AGTRAP: variants seen among roughly 807,000 people sequenced by gnomAD.
AGTRAP encodes the protein angiotensin II receptor associated protein, also known as type-1 angiotensin II receptor-associated protein.
In AGTRAP, 7 loss-of-function variants were observed where a neutral mutation model predicts 15.2. The observed-to-expected ratio is 0.46, with a 90% CI of 0.26 to 0.87. AGTRAP has a LOEUF of 0.87. Among genes scored for constraint, AGTRAP ranks in the 40% least tolerant of loss-of-function variants. The pLI is 0.15. For synonymous variants in AGTRAP, 74 were observed against 89.6 expected, an observed-to-expected ratio of 0.83 and a Z score of 0.98; for missense variants, 187 against 213.4, an observed-to-expected ratio of 0.88 and a Z score of 0.77.
At position 11,750,308 on chromosome 1, in the gene AGTRAP, A is replaced by C; in HGVS notation, c.*116A>C. The C allele has an allele frequency of 1.0e-6, 1 of 954,476 alleles. No individual in the cohort carries two copies. The highest frequency in any genetic ancestry group is 1.6e-6 in the Non-Finnish European group (1 of 616,472). The allele number at this position is 954,476 out of a possible 1,614,324, so 59.1% of individuals were successfully genotyped here. A position where few individuals can be genotyped will look rare whatever the true frequency, so the allele number is the denominator to read the frequency against. On this transcript the variant is annotated 3_prime_UTR_variant, in exon 5 of 5. Coordinates refer to ENST00000314340, the MANE Select transcript of AGTRAP (RefSeq NM_020350.5). Reference sequence around the variant, plus strand: ...CTAAGATGGAATGTGTCCCCAGCTCAGGGATTGCCTGAACCAAGAGGCCAG... The same window carrying C: ...CTAAGATGGAATGTGTCCCCAGCTCCGGGATTGCCTGAACCAAGAGGCCAG...
At position 11,750,186 on chromosome 1, in the gene AGTRAP, G is replaced by C; in HGVS notation, c.474G>C (p.Gly158=). The change falls in exon 5 of 5, where the codon GGG becomes GGC. Residue 158 remains glycine, a synonymous_variant. Coordinates refer to ENST00000314340, the MANE Select transcript of AGTRAP (RefSeq NM_020350.5). ...AGGGCAGGAGTCAAGATGCCCGAGG[G>C]TACTGAAGCCAGCCACGCTGCGCCC... The part of the protein sequence containing the change: ...VPEGRSQDAR[G]Y The C allele has an allele frequency of 6.2e-7, 1 of 1,613,094 alleles. No individual in the cohort carries two copies. The highest frequency in any genetic ancestry group is 8.5e-7 in the Non-Finnish European group (1 of 1,179,716).
Position 11,748,454 on chromosome 1 carries a change from G to A in AGTRAP, c.208G>A (p.Val70Met), listed in dbSNP as rs373898147. The A allele has an allele frequency of 6.8e-6, 11 of 1,613,884 alleles. No homozygotes were observed. Among genetic ancestry groups the A allele is most frequent in the South Asian group, 2.2e-5 (2 of 91,088 alleles). Residue 70 changes from valine to methionine, a missense_variant, in exon 4 of 5, where the codon GTG becomes ATG. Transcript: ENST00000314340. ...GCTGGCCACCATCTTCCTGGACATC[G>A]TGCACATCAGCATCTTCTACCCGCG... The part of the protein sequence containing the change: ...GLLATIFLDI[V>M]HISIFYPRVS...
chr1:11,743,387 A>G (rs1185261294), intron 1 of AGTRAP, among the ~76,000 whole-genome samples: 1 of 151,594 alleles, frequency 6.6e-6, no homozygotes, highest in Non-Finnish European at 1.5e-5. Context: ...CTGGGATTAC[A>G]GGTGCCCACC....
intron 1 of AGTRAP, among the ~76,000 whole-genome samples, chr1:11,740,479 G>T (rs1376838821): frequency 6.6e-6 from 1 of 152,240 alleles, no homozygotes; most frequent in Non-Finnish European, 1.5e-5. Flanking sequence ...AGGAGACTGT[G>T]TGTGTGCTAA....
intron 1 of AGTRAP, among the ~76,000 whole-genome samples, chr1:11,740,013 A>C (rs899001001): frequency 1.3e-5 from 2 of 152,208 alleles, no homozygotes; most frequent in Non-Finnish European, 2.9e-5. Flanking sequence ...TGTCTGGGAA[A>C]GAGCTGGGCG....
In AGTRAP at chr1:11,741,810, G is replaced by A. The variant is rs1256147855; in HGVS notation, c.28-3993G>A. On this transcript the variant is annotated intron_variant, in intron 1 of 4. Coordinates refer to ENST00000314340, the MANE Select transcript of AGTRAP (RefSeq NM_020350.5). ...AGCACATAGGAAGCGCTCAATAGTA[G>A]ACGAAGGTAGGTGAGGTGATGGCGA... 4.6e-5 allele frequency among the ~76,000 whole-genome samples: 7 copies of A among 152,352 alleles called. No individual in the cohort carries two copies. In the South Asian group the frequency reaches 1.0e-3, roughly 23 times the overall value.
intron 1 of AGTRAP, among the ~76,000 whole-genome samples, chr1:11,738,600 A>G (rs1463598906): frequency 6.6e-6 from 1 of 151,682 alleles, no homozygotes; most frequent in East Asian, 1.9e-4. Context: ...TCCCTGTACC[A>G]CTGGATCCAC....
At chr1:11,749,959 C>A in intron 4 of AGTRAP, 118 bp from the exon 5 acceptor site, 1 of 707,112 alleles carries the variant, frequency 1.4e-6, no homozygotes. Flanking sequence ...TGTCTCTGTG[C>A]ATGGTGTCAG....
At chr1:11,748,362 AGCCACGGAGCGTGGTGGGGGT>A (rs1642221993) in intron 3 of AGTRAP, 32 bp from the exon 4 acceptor site, 3 of 1,541,934 alleles carry the variant, frequency 1.9e-6, no homozygotes. Flanking sequence ...GTGGCGGGGG[AGCCACGGAGCGTGGTGGGGGT>A]GTTGTGCTCA....
intron 1 of AGTRAP, among the ~76,000 whole-genome samples, chr1:11,741,337 T>C (rs1250506160): frequency 6.6e-6 from 1 of 152,148 alleles, no homozygotes; most frequent in African/African-American, 2.4e-5. Flanking sequence ...GTGCTTTCCT[T>C]CGGGATGAGG....
At chr1:11,747,351 T>A in intron 2 of AGTRAP, 89 bp from the exon 3 acceptor site, 1 of 1,224,284 alleles carries the variant, frequency 8.2e-7, no homozygotes, top group Non-Finnish European at 1.2e-6. Context: ...TGGCATGTTC[T>A]GGGAGGAGGC....
At chr1:11,744,793 A>C (rs1483848125) in intron 1 of AGTRAP, among the ~76,000 whole-genome samples, 2 of 152,114 alleles carry the variant, frequency 1.3e-5, no homozygotes, top group Non-Finnish European at 2.9e-5. Context: ...AAGAATGGCT[A>C]CTCCATAGGC....
intron 1 of AGTRAP, among the ~76,000 whole-genome samples, chr1:11,736,850 A>G (rs952573969): frequency 6.6e-6 from 1 of 151,256 alleles, no homozygotes; most frequent in Non-Finnish European, 1.5e-5. Context: ...TGGTGTCTTC[A>G]TTTCCCGAGC....
intron 1 of AGTRAP, among the ~76,000 whole-genome samples, chr1:11,744,824 T>C (rs1020293527): frequency 2.0e-5 from 3 of 152,246 alleles, no homozygotes; most frequent in African/African-American, 7.2e-5. Flanking sequence ...TGAGGGCTGC[T>C]GGTTGCCCTT....
At chr1:11,746,231 A>AT in intron 2 of AGTRAP, 1 of 1,597,522 alleles carries the variant, frequency 6.3e-7, no homozygotes, top group Non-Finnish European at 8.6e-7. Flanking sequence ...GCTGTGAGTA[A>AT]TGTGAACTGT....
At chr1:11,740,159 A>G (rs992365566) in intron 1 of AGTRAP, among the ~76,000 whole-genome samples, 7 of 152,190 alleles carry the variant, frequency 4.6e-5, no homozygotes, top group African/African-American at 1.7e-4. Context: ...CTTTCAGGCC[A>G]TACCTGAGAA....
In AGTRAP at chr1:11,745,737, G is replaced by A. The variant is rs557892423; in HGVS notation, c.28-66G>A. On this transcript the variant is annotated intron_variant, in intron 1 of 4. Transcript: ENST00000314340. The surrounding 1 kb of genome is among the most constrained non-coding windows in gnomAD (Gnocchi z 4.2). ...GGGGCGTCCTGTGTTTTCTGCACCCGACGCTTTCCTGCCCCTGTGGTGGTC... is the reference window on the plus strand; with the variant it reads ...GGGGCGTCCTGTGTTTTCTGCACCCAACGCTTTCCTGCCCCTGTGGTGGTC... 1.3e-5 allele frequency: 20 copies of A among 1,574,134 alleles called. No homozygotes were observed. The highest frequency in any genetic ancestry group is 5.0e-5 in the Admixed American group (3 of 59,932).
chr1:11,736,198 C>T lies in AGTRAP; in HGVS notation c.-11C>T. ...GCGGCTGCGGCGCAGGTGCCCTCGG[C>T]CTGAGTCGGGATGGAGCTGCCTGCT... On this transcript the variant is annotated 5_prime_UTR_variant, in exon 1 of 5. Coordinates refer to ENST00000314340, the MANE Select transcript of AGTRAP (RefSeq NM_020350.5). The T allele has an allele frequency of 6.2e-7, 1 of 1,604,204 alleles. No homozygotes were observed. Among genetic ancestry groups the T allele is most frequent in the Non-Finnish European group, 8.5e-7 (1 of 1,176,436 alleles).
chr1:11,745,730 T>G lies in AGTRAP; in HGVS notation c.28-73T>G. The stretch of plus-strand genomic sequence containing the variant: ...AGGCGCAGGGGCGTCCTGTGTTTTC[T>G]GCACCCGACGCTTTCCTGCCCCTGT... On this transcript the variant is annotated intron_variant, in intron 1 of 4. Transcript: ENST00000314340. The surrounding 1 kb of genome is among the most constrained non-coding windows in gnomAD (Gnocchi z 4.2). 6.5e-7 allele frequency: 1 copy of G among 1,547,072 alleles called. No homozygotes were observed. Among genetic ancestry groups the G allele is most frequent in the Non-Finnish European group, 8.9e-7 (1 of 1,119,016 alleles).
Sources: gnomAD v4.1 joint callset for allele counts (sites outside exome capture counted in the v4.1 genomes callset) on GRCh38, gnomAD v4.1.1 for gene constraint, Gnocchi (gnomAD v3.1) non-coding constraint, MANE v1.5 for transcripts, NCBI Gene and HGNC (gene_info 2026-07-23, HGNC 2026-07-21) for gene names.